NR3C2: variants seen among roughly 807,000 people sequenced by gnomAD.
NR3C2 encodes the protein mineralocorticoid receptor.
NR3C2 carries 15 observed loss-of-function variants against 86.4 expected under a neutral mutation model. The ratio of observed to expected loss-of-function variants is 0.17; its 90% CI spans 0.12 to 0.27. NR3C2 has a LOEUF of 0.27. NR3C2 is among the 10% of genes least tolerant of loss of function. The pLI is 1.00. For missense variants in NR3C2, 960 were observed against 1,195.6 expected (o/e 0.80, Z 2.91); for synonymous variants, 458 against 450.5 (o/e 1.02, Z -0.21).
At position 148,416,344 on chromosome 4, in the gene NR3C2, T is replaced by C. The variant is rs542575457; in HGVS notation, c.1757+18760A>G. Reference sequence around the variant, plus strand: ...AAATACATTTATGTAGGACTTACTATGGGACAAGCACTTTTCTAAGCACTT... The same window carrying C: ...AAATACATTTATGTAGGACTTACTACGGGACAAGCACTTTTCTAAGCACTT... On this transcript the variant is annotated intron_variant, in intron 2 of 8. Coordinates refer to ENST00000358102, the MANE Select transcript of NR3C2 (RefSeq NM_000901.5). 1.8e-4 allele frequency among the ~76,000 whole-genome samples: 27 copies of C among 152,336 alleles called. No individual in the cohort carries two copies. In the South Asian group the frequency reaches 5.0e-3, roughly 28 times the overall value.
At chr4:148,284,325 T>A (rs1741407901) in intron 2 of NR3C2, among the ~76,000 whole-genome samples, 1 of 152,060 alleles carries the variant, frequency 6.6e-6, no homozygotes, top group African/African-American at 2.4e-5. Flanking sequence ...AGGGTTGGTC[T>A]TCTAATTTTT....
At chr4:148,391,435 T>C (rs577240279) in intron 2 of NR3C2, among the ~76,000 whole-genome samples, 1 of 152,320 alleles carries the variant, frequency 6.6e-6, no homozygotes, top group South Asian at 2.1e-4. Flanking sequence ...TTTAACCTCA[T>C]CCATCCATTG....
chr4:148,181,924 C>G (rs987928570), intron 4 of NR3C2, among the ~76,000 whole-genome samples: 6 of 152,214 alleles, frequency 3.9e-5, no homozygotes, highest in Admixed American at 3.9e-4. Context: ...AATCTATGCA[C>G]TCTTTATTCT....
chr4:148,357,925 TACAAA>T (rs1230398791), intron 2 of NR3C2, among the ~76,000 whole-genome samples: 1 of 152,118 alleles, frequency 6.6e-6, no homozygotes, highest in African/African-American at 2.4e-5. Context: ...GAGGAAAAAA[TACAAA>T]TATCTTTAAA....
intron 3 of NR3C2, among the ~76,000 whole-genome samples, chr4:148,200,427 A>C (rs1245787753): frequency 6.6e-6 from 1 of 151,378 alleles, no homozygotes; most frequent in Non-Finnish European, 1.5e-5. Context: ...TAGAAGCTAC[A>C]AGTTATCCAT....
intron 2 of NR3C2, among the ~76,000 whole-genome samples, chr4:148,339,868 A>G (rs1744668379): frequency 6.6e-6 from 1 of 152,192 alleles, no homozygotes; most frequent in Non-Finnish European, 1.5e-5. Flanking sequence ...ATACAAAGTC[A>G]ACATACAAAA....
At chr4:148,442,126 G>C (rs373826053) in intron 1 of NR3C2, 34 bp downstream of exon 1, 2 of 152,554 alleles carry the variant, frequency 1.3e-5, no homozygotes, top group South Asian at 2.1e-4. Context: ...CGCCGAGCAC[G>C]GCAAGCGGTG....
rs61757488 is a variant in NR3C2 at position 148,195,577 on chromosome 4, A to G, written c.1898-715T>C. Among the ~76,000 whole-genome samples, 1,125 of 152,326 alleles carry G rather than the reference A, an allele frequency of 7.4e-3. 9 individuals are homozygous for G. Among genetic ancestry groups the G allele is most frequent in the Non-Finnish European group, 0.011 (780 of 68,032 alleles). On this transcript the variant is annotated intron_variant, in intron 3 of 8. Coordinates refer to ENST00000358102, the MANE Select transcript of NR3C2 (RefSeq NM_000901.5). ...CATAATAGACAAGGTAATTAGATAAAATGTGTAAGATGTCAGATAATAATA... is the reference window on the plus strand; with the variant it reads ...CATAATAGACAAGGTAATTAGATAAGATGTGTAAGATGTCAGATAATAATA...
chr4:148,373,622 G>A (rs945306595), intron 2 of NR3C2, among the ~76,000 whole-genome samples: 5 of 151,700 alleles, frequency 3.3e-5, no homozygotes, highest in Admixed American at 1.3e-4. Context: ...CTACAGGCAC[G>A]TGCCACCATG....
At chr4:148,123,376 C>T (rs185721193) in intron 6 of NR3C2, among the ~76,000 whole-genome samples, 1 of 152,132 alleles carries the variant, frequency 6.6e-6, no homozygotes, top group Non-Finnish European at 1.5e-5. Flanking sequence ...TTTGTTGTAC[C>T]CTTATTGGTA....
chr4:148,232,788 C>A (rs758725576), intron 3 of NR3C2, among the ~76,000 whole-genome samples: 12 of 152,226 alleles, frequency 7.9e-5, no homozygotes, highest in Non-Finnish European at 1.6e-4. Context: ...TTAGCTCAAT[C>A]TTCTGGATAA....
At chr4:148,404,761 C>T (rs1174972235) in intron 2 of NR3C2, among the ~76,000 whole-genome samples, 1 of 152,072 alleles carries the variant, frequency 6.6e-6, no homozygotes, top group Non-Finnish European at 1.5e-5. Context: ...GGCATACTTT[C>T]GGCAATGATG....
At chr4:148,300,070 G>A (rs190328232) in intron 2 of NR3C2, among the ~76,000 whole-genome samples, 58 of 152,292 alleles carry the variant, frequency 3.8e-4, no homozygotes, top group Non-Finnish European at 6.3e-4. Context: ...GCGGGCCCAG[G>A]ACTCTACAGG....
At chr4:148,404,760 T>C (rs937257402) in intron 2 of NR3C2, among the ~76,000 whole-genome samples, 48 of 152,312 alleles carry the variant, frequency 3.2e-4, no homozygotes, top group African/African-American at 1.2e-3. Flanking sequence ...GGGCATACTT[T>C]CGGCAATGAT....
At chr4:148,329,476 T>G (rs974550465) in intron 2 of NR3C2, among the ~76,000 whole-genome samples, 11 of 152,212 alleles carry the variant, frequency 7.2e-5, no homozygotes, top group Non-Finnish European at 1.3e-4. Flanking sequence ...TCATTTACAT[T>G]ATTTACAGAT....
chr4:148,223,808 C>T (rs1737994358), intron 3 of NR3C2, among the ~76,000 whole-genome samples: 1 of 152,130 alleles, frequency 6.6e-6, no homozygotes, highest in African/African-American at 2.4e-5. Flanking sequence ...CTGAAATAAT[C>T]GTGATGTTAT....
At chr4:148,348,933 A>G (rs1318192013) in intron 2 of NR3C2, among the ~76,000 whole-genome samples, 1 of 152,148 alleles carries the variant, frequency 6.6e-6, no homozygotes, top group African/African-American at 2.4e-5. Context: ...CTTTTCAACC[A>G]TATTCAAGTG....
At chr4:148,263,037 T>C (rs1740206277) in intron 2 of NR3C2, among the ~76,000 whole-genome samples, 1 of 152,076 alleles carries the variant, frequency 6.6e-6, no homozygotes, top group Admixed American at 6.6e-5. Context: ...CCTGCCACCA[T>C]CTCCACTCCC....
chr4:148,360,005 A>G (rs1296930754), intron 2 of NR3C2, among the ~76,000 whole-genome samples: 3 of 152,144 alleles, frequency 2.0e-5, no homozygotes, highest in Non-Finnish European at 4.4e-5. Context: ...TTTCCTTCTA[A>G]ACAGGAAGAC....
Sources: allele counts gnomAD v4.1 joint callset (sites outside exome capture counted in the v4.1 genomes callset), GRCh38; gene constraint gnomAD v4.1.1; transcripts MANE v1.5; gene names NCBI Gene and HGNC (gene_info 2026-07-23, HGNC 2026-07-21).